The following METTL24 variants were observed in gnomAD, a reference collection of about 807,000 sequenced individuals.
The protein encoded by METTL24 is probable methyltransferase-like protein 24.
A neutral mutation model predicts 32.7 loss-of-function variants in METTL24; 29 were observed. The ratio of observed to expected loss-of-function variants is 0.89; its 90% CI spans 0.66 to 1.21. The LOEUF is 1.21. Ranked by LOEUF, METTL24 falls within the 50% of genes most tolerant of loss-of-function variation. METTL24 has a pLI of 0.00. For synonymous variants in METTL24, 163 were observed against 179.5 expected (o/e 0.91, Z 0.73); for missense variants, 439 against 468.1 (o/e 0.94, Z 0.57).
intron 3 of METTL24, among the ~76,000 whole-genome samples, chr6:110,314,825 T>A (rs922121145): frequency 5.9e-5 from 9 of 151,950 alleles, no homozygotes; most frequent in African/African-American, 2.2e-4. Flanking sequence ...TAGCCGGGTG[T>A]GGTGGGTGCA....
chr6:110,273,582 C>CA (rs1394093603), intron 4 of METTL24, among the ~76,000 whole-genome samples: 5 of 151,616 alleles, frequency 3.3e-5, no homozygotes, highest in Non-Finnish European at 5.9e-5. Flanking sequence ...AGACAATTCT[C>CA]AAAAGAAGAT....
intron 4 of METTL24, among the ~76,000 whole-genome samples, chr6:110,270,812 G>C (rs1209564373): frequency 6.6e-6 from 1 of 151,088 alleles, no homozygotes; most frequent in East Asian, 1.9e-4. Flanking sequence ...TACATGAGGA[G>C]AGGAAGAACA....
chr6:110,303,131 C>T (rs1182805381), intron 3 of METTL24, among the ~76,000 whole-genome samples: 4 of 152,118 alleles, frequency 2.6e-5, no homozygotes, highest in Admixed American at 6.5e-5. Flanking sequence ...CATTCCAGCC[C>T]GGATACTACG....
chr6:110,246,156 G>T lies in METTL24; in HGVS notation c.891C>A (p.Ile297=), dbSNP rs190249001. 6.2e-7 allele frequency: 1 copy of T among 1,614,106 alleles called. No individual in the cohort carries two copies. The highest frequency in any genetic ancestry group is 8.5e-7 in the Non-Finnish European group (1 of 1,180,012). The change falls in exon 5 of 5, where the codon ATC becomes ATA. Residue 297 remains isoleucine (I), a synonymous_variant. Coordinates refer to ENST00000338882, the MANE Select transcript of METTL24 (RefSeq NM_001123364.3). ...LEQIGQLIFE[I]HLHWPGFEVS... ...CCTCAAACCCAGGCCAGTGGAGATG[G>T]ATCTCAAAGATGAGCTGTCCAATCT...
chr6:110,252,732 T>C (rs1316844146), intron 4 of METTL24, among the ~76,000 whole-genome samples: 2 of 152,128 alleles, frequency 1.3e-5, no homozygotes, highest in African/African-American at 4.8e-5. Context: ...ACAGAGACTG[T>C]AGTAGGTATT....
intron 4 of METTL24, among the ~76,000 whole-genome samples, chr6:110,286,483 C>A (rs1362845725): frequency 1.3e-5 from 2 of 152,104 alleles, no homozygotes; most frequent in Non-Finnish European, 2.9e-5. Flanking sequence ...GTTGTTGATA[C>A]TGTTTTGGTT....
At chr6:110,337,368 C>T (rs1475830068) in intron 1 of METTL24, among the ~76,000 whole-genome samples, 3 of 152,114 alleles carry the variant, frequency 2.0e-5, no homozygotes, top group Non-Finnish European at 4.4e-5. Context: ...AACAAACCCC[C>T]ATTATATGAG....
intron 4 of METTL24, 82 bp from the exon 5 acceptor site, chr6:110,246,342 G>C (rs1305950729): frequency 8.0e-7 from 1 of 1,242,238 alleles, no homozygotes; most frequent in African/African-American, 1.5e-5. Context: ...AGCTACCTCT[G>C]AAGGAAACAG....
intron 1 of METTL24, among the ~76,000 whole-genome samples, chr6:110,337,044 GGATA>G (rs1417418273): frequency 6.6e-6 from 1 of 152,086 alleles, no homozygotes; most frequent in Admixed American, 6.5e-5. Context: ...GTGACAGGCT[GGATA>G]AAGAAAATGT....
At chr6:110,306,964 G>A (rs1422486670) in intron 3 of METTL24, among the ~76,000 whole-genome samples, 2 of 152,204 alleles carry the variant, frequency 1.3e-5, no homozygotes, top group African/African-American at 4.8e-5. Flanking sequence ...GCTCCATGAG[G>A]AAAAGGGCTA....
chr6:110,332,493 A>C (rs1772126046), intron 1 of METTL24: 2 of 983,680 alleles, frequency 2.0e-6, no homozygotes, highest in South Asian at 4.7e-5. Context: ...TGAGGTGGAA[A>C]CTACACAGTG....
At chr6:110,289,881 C>G (rs1391805338) in intron 4 of METTL24, among the ~76,000 whole-genome samples, 1 of 152,202 alleles carries the variant, frequency 6.6e-6, no homozygotes, top group African/African-American at 2.4e-5. Context: ...AATCTACACA[C>G]ACTCTTCTGC....
intron 1 of METTL24, among the ~76,000 whole-genome samples, chr6:110,329,495 T>A (rs1387324376): frequency 1.1e-5 from 1 of 92,770 alleles, no homozygotes; most frequent in Admixed American, 1.6e-4. Flanking sequence ...TATTCCTTTT[T>A]AGAGGGGGTG....
intron 1 of METTL24, 96 bp downstream of exon 1, chr6:110,357,859 T>G (rs4945854): frequency 0.91 from 543,930 of 598,594 alleles, 247,733 homozygotes; most frequent in African/African-American, 0.97. Context: ...GGAGGTCCCA[T>G]CGAGGCGGCC....
At chr6:110,340,428 A>G (rs1348489214) in intron 1 of METTL24, among the ~76,000 whole-genome samples, 1 of 152,144 alleles carries the variant, frequency 6.6e-6, no homozygotes, top group Non-Finnish European at 1.5e-5. Context: ...ATCAACCATC[A>G]CAACCATCCC....
rs571461857 is a variant in METTL24 at position 110,256,764 on chromosome 6, C to T, written c.787-10504G>A. On this transcript the variant is annotated intron_variant, in intron 4 of 4. Coordinates refer to ENST00000338882, the MANE Select transcript of METTL24 (RefSeq NM_001123364.3). ...TCCCACAGGGCACAAATGTTGTGTT[C>T]GGGTCTTGATTTTCAACTCTTTATG... Among the ~76,000 whole-genome samples the T allele has an allele frequency of 3.3e-5, 5 of 152,268 alleles. No homozygotes were observed. The South Asian group carries it at 1.0e-3, about 32-fold the overall frequency.
chr6:110,306,246 G>A (rs1771626288), intron 3 of METTL24, among the ~76,000 whole-genome samples: 1 of 151,964 alleles, frequency 6.6e-6, no homozygotes, highest in Non-Finnish European at 1.5e-5. Context: ...CATGGCACAT[G>A]TATACCTGTG....
Position 110,358,168 on chromosome 6 carries a change from G to A in METTL24, c.105C>T (p.Arg35=). Residue 35 remains arginine, a synonymous_variant, in exon 1 of 5, where the codon CGC becomes CGT. Transcript: ENST00000338882. ...TGCGGGTGGGGGACCCGGGCCCGGC[G>A]CGCCGCAGCTCTGCGCAGAGCCGCA... ...FGLRLCAELR[R]AGPGSPTRSA... is the part of the protein sequence containing the mutation. 3 of 1,221,108 alleles carry A rather than the reference G, an allele frequency of 2.5e-6. No individual in the cohort carries two copies. The highest frequency in any genetic ancestry group is 3.1e-6 in the Non-Finnish European group (3 of 981,480). 75.6% of individuals were successfully genotyped at this position (1,221,108 alleles called of 1,614,324 possible).
chr6:110,277,037 C>G (rs1404038378), intron 4 of METTL24, among the ~76,000 whole-genome samples: 4 of 152,082 alleles, frequency 2.6e-5, no homozygotes, highest in Non-Finnish European at 5.9e-5. Flanking sequence ...CCCATTCCAA[C>G]ATTTTTTCTA....
Sources: allele counts gnomAD v4.1 joint callset (sites outside exome capture counted in the v4.1 genomes callset), GRCh38; gene constraint gnomAD v4.1.1; transcripts MANE v1.5; gene names NCBI Gene and HGNC (gene_info 2026-07-23, HGNC 2026-07-21).